The following TRAF3IP1 variants were observed in gnomAD, a reference collection of about 807,000 sequenced individuals.
TRAF3IP1 encodes the protein intraflagellar transport 54, also known as TRAF3-interacting protein 1.
Under a neutral mutation model 89.9 loss-of-function variants are expected in TRAF3IP1, and 53 were observed. That is an observed-to-expected ratio of 0.59 (90% confidence interval 0.47 to 0.74). The LOEUF is 0.74. Ranked by LOEUF, TRAF3IP1 falls within the 30% of genes least tolerant of loss-of-function variation. The probability of loss-of-function intolerance (pLI) is 0.00; values close to 1 mark genes in which losing one functional copy is unlikely to be tolerated. For missense variants in TRAF3IP1, 806 were observed against 866.1 expected (o/e 0.93, Z 0.87); for synonymous variants, 311 against 322.1 (o/e 0.97, Z 0.37).
intron 15 of TRAF3IP1, among the ~76,000 whole-genome samples, chr2:238,360,538 A>T (rs1163197815): frequency 1.3e-5 from 2 of 152,232 alleles, no homozygotes; most frequent in Admixed American, 1.3e-4. Flanking sequence ...CCAGCAGTGT[A>T]TAAGAGTTTC....
intron 8 of TRAF3IP1, among the ~76,000 whole-genome samples, 175 bp downstream of exon 8, chr2:238,338,632 C>T (rs762451317): frequency 1.3e-4 from 20 of 152,188 alleles, no homozygotes; most frequent in Non-Finnish European, 2.2e-4. Context: ...CTTTAATATG[C>T]TAAGTTATGT....
At chr2:238,331,417 C>T (rs537924081) in intron 5 of TRAF3IP1, among the ~76,000 whole-genome samples, 6 of 152,242 alleles carry the variant, frequency 3.9e-5, no homozygotes, top group Admixed American at 2.6e-4. Flanking sequence ...GCGGAGGTTG[C>T]AGTGAGCTGA....
intron 3 of TRAF3IP1, among the ~76,000 whole-genome samples, chr2:238,327,583 T>G (rs1028187234): frequency 1.1e-4 from 16 of 152,260 alleles, no homozygotes; most frequent in Admixed American, 9.2e-4. Context: ...TATTATTGTG[T>G]TAAAGTCCAT....
At chr2:238,366,784 G>C (rs1699893518) in intron 15 of TRAF3IP1, among the ~76,000 whole-genome samples, 1 of 152,102 alleles carries the variant, frequency 6.6e-6, no homozygotes, top group South Asian at 2.1e-4. Context: ...CAGTTTCTAA[G>C]TAGTGTAGAC....
chr2:238,396,869 C>A (rs1438661972), intron 15 of TRAF3IP1, among the ~76,000 whole-genome samples: 2 of 152,180 alleles, frequency 1.3e-5, no homozygotes, highest in Non-Finnish European at 2.9e-5. Context: ...GACCATCTGC[C>A]TGCTGGGTGC....
rs114129948 is a variant in TRAF3IP1 at position 238,371,617 on chromosome 2, G to A, written c.1689+15537G>A. Reference sequence around the variant, plus strand: ...CCTGAGTGTGGGCCTGGGATGACCAGCGCAGTGGCCACTCGCCCATGTGGT... The same window carrying A: ...CCTGAGTGTGGGCCTGGGATGACCAACGCAGTGGCCACTCGCCCATGTGGT... On this transcript the variant is annotated intron_variant, in intron 15 of 16. Coordinates refer to ENST00000373327, the MANE Select transcript of TRAF3IP1 (RefSeq NM_015650.4). Among the ~76,000 whole-genome samples the A allele has an allele frequency of 7.0e-3, 1,064 of 152,316 alleles. 11 individuals are homozygous for A. Among genetic ancestry groups the A allele is most frequent in the African/African-American group, 0.024 (980 of 41,564 alleles).
At chr2:238,375,212 T>C (rs1700266365) in intron 15 of TRAF3IP1, among the ~76,000 whole-genome samples, 1 of 152,232 alleles carries the variant, frequency 6.6e-6, no homozygotes, top group Admixed American at 6.5e-5. Context: ...ATTCTTTTAA[T>C]TGTGATGTTA....
At chr2:238,327,551 A>G (rs1256301987) in intron 3 of TRAF3IP1, among the ~76,000 whole-genome samples, 1 of 152,138 alleles carries the variant, frequency 6.6e-6, no homozygotes, top group African/African-American at 2.4e-5. Context: ...GAATCAGATC[A>G]GTGGTTTTTT....
chr2:238,349,634 A>G (rs115184891), intron 12 of TRAF3IP1, among the ~76,000 whole-genome samples: 8 of 152,374 alleles, frequency 5.3e-5, no homozygotes, highest in South Asian at 2.1e-4. Context: ...CTTCACATCT[A>G]TGGGAAAATG....
chr2:238,371,420 G>A (rs1276720297), intron 15 of TRAF3IP1, among the ~76,000 whole-genome samples: 1 of 152,128 alleles, frequency 6.6e-6, no homozygotes, highest in African/African-American at 2.4e-5. Flanking sequence ...AATGCCAGAA[G>A]AAAAAGGAAC....
At chr2:238,339,196 T>A (rs1174690705) in intron 8 of TRAF3IP1, among the ~76,000 whole-genome samples, 1 of 152,198 alleles carries the variant, frequency 6.6e-6, no homozygotes, top group East Asian at 1.9e-4. Flanking sequence ...AGCTGGCATT[T>A]CCAGGAGTGG....
At chr2:238,328,636 G>T (rs1426038308) in intron 3 of TRAF3IP1, 50 bp from the exon 4 acceptor site, 3 of 1,587,376 alleles carry the variant, frequency 1.9e-6, no homozygotes, top group South Asian at 2.3e-5. Context: ...TGTTACGTGT[G>T]CGGATCTCAT....
intron 10 of TRAF3IP1, 118 bp downstream of exon 10, chr2:238,347,593 AT>A: frequency 1.0e-6 from 1 of 976,788 alleles, no homozygotes; most frequent in Non-Finnish European, 1.6e-6. Context: ...AACTTATTTT[AT>A]GGAAAAAGAT....
chr2:238,337,415 G>C (rs577728804), intron 7 of TRAF3IP1, among the ~76,000 whole-genome samples: 13 of 152,296 alleles, frequency 8.5e-5, no homozygotes, highest in African/African-American at 3.1e-4. Flanking sequence ...GGAGCTGCTG[G>C]TCCCGGAGCT....
At chr2:238,366,059 T>C (rs1211385980) in intron 15 of TRAF3IP1, among the ~76,000 whole-genome samples, 1 of 151,942 alleles carries the variant, frequency 6.6e-6, no homozygotes, top group Non-Finnish European at 1.5e-5. Context: ...TCCTGGCTAA[T>C]ATGGTGAAAT....
At chr2:238,393,190 A>C (rs1363238256) in intron 15 of TRAF3IP1, among the ~76,000 whole-genome samples, 2 of 152,134 alleles carry the variant, frequency 1.3e-5, no homozygotes, top group Non-Finnish European at 2.9e-5. Context: ...GTTTTCCCTA[A>C]CCAGCATTTG....
At chr2:238,324,729 C>A (rs4663875) in intron 1 of TRAF3IP1, among the ~76,000 whole-genome samples, 3 of 151,914 alleles carry the variant, frequency 2.0e-5, no homozygotes, top group East Asian at 1.9e-4. Flanking sequence ...TCAGCCTCCC[C>A]AGTAGTTGGG....
At chr2:238,334,078 G>GTTTTT (rs5839695) in intron 7 of TRAF3IP1, 43 bp downstream of exon 7, 45 of 1,089,304 alleles carry the variant, frequency 4.1e-5, no homozygotes, top group South Asian at 6.3e-5. Flanking sequence ...ATGGATATTA[G>GTTTTT]TTTTTTTTTT....
In TRAF3IP1 at chr2:238,351,884, CGT is replaced by C. The variant is rs1699187279; in HGVS notation, c.1452-941_1452-940del. On this transcript the variant is annotated intron_variant, in intron 12 of 16. Transcript: ENST00000373327. The surrounding 1 kb of genome is among the most constrained non-coding windows in gnomAD (Gnocchi z 5.2). ...GTGTGTGTGCGCGCGCGCGCGTGTG[CGT>C]GCATGTGCTTGTGTGTATGCGTGTG... Among the ~76,000 whole-genome samples the C allele has an allele frequency of 6.8e-6, 1 of 148,080 alleles. No homozygotes were observed. The highest frequency in any genetic ancestry group is 2.2e-4 in the South Asian group (1 of 4,610).
Sources: allele counts gnomAD v4.1 joint callset (sites outside exome capture counted in the v4.1 genomes callset), GRCh38; gene constraint gnomAD v4.1.1; non-coding constraint Gnocchi (gnomAD v3.1); transcripts MANE v1.5; gene names NCBI Gene and HGNC (gene_info 2026-07-23, HGNC 2026-07-21).